SMCO2: variants seen among roughly 807,000 people sequenced by gnomAD.
The protein encoded by SMCO2 is single-pass membrane and coiled-coil domain-containing protein 2.
A neutral mutation model predicts 29.5 loss-of-function variants in SMCO2; 25 were observed. The observed-to-expected ratio is 0.85, with a 90% confidence interval of 0.62 to 1.18. The LOEUF is 1.18. SMCO2 is among the 50% of genes most tolerant of loss of function. SMCO2 has a pLI of 0.00. For synonymous variants in SMCO2, 117 were observed against 123.3 expected (o/e 0.95, Z 0.34); for missense variants, 348 against 344.5 (o/e 1.01, Z -0.08).
chr12:27,460,041 C>A, the SMCO2 span, among the ~76,000 whole-genome samples: 1 of 152,158 alleles, frequency 6.6e-6, no homozygotes, highest in Non-Finnish European at 1.5e-5. Flanking sequence ...TTAAATACCA[C>A]AAATCTAAAA....
the SMCO2 span, among the ~76,000 whole-genome samples, chr12:27,426,771 T>G: frequency 5.3e-5 from 8 of 152,136 alleles, 1 homozygote; most frequent in Admixed American, 5.2e-4. Flanking sequence ...CAGTAGAAAT[T>G]CATAACCAAT....
In SMCO2 at chr12:27,501,126, G is replaced by C. The variant is rs1276737592; in HGVS notation, c.684-797G>C. 2.0e-5 allele frequency among the ~76,000 whole-genome samples: 3 copies of C among 150,260 alleles called. No homozygotes were observed. In the East Asian group the frequency reaches 5.8e-4, roughly 29 times the overall value. ...GATGGGTCCTCAAGGATTTAAAAAA[G>C]CTTCTATTGGCCGGGCGCGGTGGCT... On this transcript the variant is annotated intron_variant, in intron 7 of 7. Coordinates refer to ENST00000298876, the Ensembl canonical transcript of SMCO2.
intron 7 of SMCO2, 100 bp downstream of exon 8, chr12:27,495,955 GT>G: frequency 2.5e-6 from 3 of 1,186,620 alleles, no homozygotes; most frequent in Non-Finnish European, 2.2e-6. Context: ...AAAATGTTTT[GT>G]TTTATTTTCG....
the SMCO2 span, among the ~76,000 whole-genome samples, chr12:27,449,483 G>A: frequency 6.6e-6 from 1 of 152,174 alleles, no homozygotes; most frequent in South Asian, 2.1e-4. Flanking sequence ...ACTGCTTATG[G>A]AGGGATCACA....
intron 2 of SMCO2, among the ~76,000 whole-genome samples, chr12:27,471,576 A>G (rs768312785): frequency 2.1e-4 from 32 of 152,212 alleles, no homozygotes; most frequent in Non-Finnish European, 4.4e-4. Flanking sequence ...GCAAAATATT[A>G]ATAAGGGTGG....
chr12:27,439,019 T>A, the SMCO2 span, among the ~76,000 whole-genome samples: 5 of 152,230 alleles, frequency 3.3e-5, no homozygotes, highest in South Asian at 8.3e-4. Context: ...AAAAGTGAAA[T>A]TGAGGTGGTT....
chr12:27,472,305 T>C (rs570883757), intron 2 of SMCO2, among the ~76,000 whole-genome samples: 1 of 152,196 alleles, frequency 6.6e-6, no homozygotes, highest in Non-Finnish European at 1.5e-5. Context: ...TCTGCTTATT[T>C]ATGCATAGCA....
the SMCO2 span, among the ~76,000 whole-genome samples, chr12:27,429,401 A>G: frequency 6.6e-6 from 1 of 152,038 alleles, no homozygotes; most frequent in Non-Finnish European, 1.5e-5. Flanking sequence ...TGTTTAATAC[A>G]AAAAAGAATA....
intron 4 of SMCO2, among the ~76,000 whole-genome samples, chr12:27,487,515 AT>A (rs1389636135): frequency 6.6e-6 from 1 of 152,212 alleles, no homozygotes; most frequent in Non-Finnish European, 1.5e-5. Context: ...ACTATTATGA[AT>A]AAAGCTGCTT....
intron 5 of SMCO2, among the ~76,000 whole-genome samples, chr12:27,490,385 G>A (rs1338414185): frequency 6.6e-6 from 1 of 152,178 alleles, no homozygotes; most frequent in Non-Finnish European, 1.5e-5. Context: ...ATTGACAAAG[G>A]GGTATAAGGA....
intron 5 of SMCO2, among the ~76,000 whole-genome samples, chr12:27,490,516 TA>T (rs1429960231): frequency 2.0e-5 from 3 of 152,214 alleles, no homozygotes; most frequent in African/African-American, 7.2e-5. Context: ...GTATGTAAAT[TA>T]TATCTCAATA....
intron 2 of SMCO2, among the ~76,000 whole-genome samples, chr12:27,472,364 G>C (rs554528001): frequency 6.6e-6 from 1 of 152,100 alleles, no homozygotes; most frequent in Non-Finnish European, 1.5e-5. Flanking sequence ...GAGGACAGCT[G>C]GCGGGGTGGA....
chr12:27,439,521 A>C, the SMCO2 span, among the ~76,000 whole-genome samples: 1 of 152,214 alleles, frequency 6.6e-6, no homozygotes, highest in Non-Finnish European at 1.5e-5. Context: ...TGACCCTAAC[A>C]AGACGGCAAT....
chr12:27,441,413 C>A, the SMCO2 span, among the ~76,000 whole-genome samples: 2 of 152,072 alleles, frequency 1.3e-5, no homozygotes, highest in South Asian at 4.2e-4. Flanking sequence ...AACTGGAAAC[C>A]AAAAACAAGC....
intron 7 of SMCO2, among the ~76,000 whole-genome samples, chr12:27,499,288 A>G (rs1026683924): frequency 2.0e-5 from 3 of 150,918 alleles, no homozygotes; most frequent in Admixed American, 6.6e-5. Context: ...ACATACCACA[A>G]CATGATCTTA....
chr12:27,465,819 C>A (rs1262283134), upstream of SMCO2, among the ~76,000 whole-genome samples: 1 of 152,176 alleles, frequency 6.6e-6, no homozygotes, highest in Admixed American at 6.5e-5. Context: ...AGGTTTCAGA[C>A]ACTGATGTGA....
At chr12:27,462,487 T>G (rs1949466160), upstream of SMCO2, among the ~76,000 whole-genome samples, 1 of 152,228 alleles carries the variant, frequency 6.6e-6, no homozygotes, top group South Asian at 2.1e-4. Context: ...CCTGAGGTTT[T>G]ATGTATTTGA....
At chr12:27,485,686 A>T (rs1255513117) in intron 4 of SMCO2, among the ~76,000 whole-genome samples, 1 of 152,102 alleles carries the variant, frequency 6.6e-6, no homozygotes, top group Non-Finnish European at 1.5e-5. Context: ...ACCTCAGGCA[A>T]TCGGCCCACC....
chr12:27,436,098 C>T, the SMCO2 span, among the ~76,000 whole-genome samples: 8 of 152,198 alleles, frequency 5.3e-5, no homozygotes, highest in African/African-American at 1.9e-4. Flanking sequence ...AGAAAGGTTG[C>T]TCTCTGAGAC....
Sources: gnomAD v4.1 joint callset for allele counts (sites outside exome capture counted in the v4.1 genomes callset) on GRCh38, gnomAD v4.1.1 for gene constraint, MANE v1.5 for transcripts, NCBI Gene and HGNC (gene_info 2026-07-23, HGNC 2026-07-21) for gene names.